GPR39: variants seen among roughly 807,000 people sequenced by gnomAD.
GPR39 encodes G protein-coupled receptor 39.
In GPR39, 23 loss-of-function variants were observed where a neutral mutation model predicts 18.4. The observed-to-expected ratio is 1.25, with a 90% CI of 0.90 to 1.77. The LOEUF (loss-of-function observed/expected upper bound fraction) is 1.77, where lower values mean the gene tolerates loss of function less well. Among genes scored for constraint, GPR39 ranks in the 40% most tolerant of loss-of-function variants. GPR39 has a pLI of 0.00. For synonymous variants in GPR39, 280 were observed against 257.9 expected, an observed-to-expected ratio of 1.09 and a Z score of -0.82; for missense variants, 647 against 602.4, an observed-to-expected ratio of 1.07 and a Z score of -0.78.
At chr2:132,535,103 C>T (rs939638397) in intron 1 of GPR39, among the ~76,000 whole-genome samples, 2 of 152,068 alleles carry the variant, frequency 1.3e-5, no homozygotes, top group Non-Finnish European at 2.9e-5. Flanking sequence ...TGAGAACTTC[C>T]AGTACTATGT....
intron 1 of GPR39, among the ~76,000 whole-genome samples, chr2:132,426,779 A>G (rs1680125815): frequency 2.0e-5 from 3 of 152,182 alleles, no homozygotes; most frequent in Admixed American, 2.0e-4. Flanking sequence ...AAAGGTGGCT[A>G]GGTAGTTGGA....
At chr2:132,467,045 G>T (rs1477012185) in intron 1 of GPR39, among the ~76,000 whole-genome samples, 1 of 152,174 alleles carries the variant, frequency 6.6e-6, no homozygotes, top group Non-Finnish European at 1.5e-5. Context: ...TAATACCCTA[G>T]TAGGAGTTGT....
At chr2:132,566,458 G>T (rs979906988) in intron 1 of GPR39, among the ~76,000 whole-genome samples, 2 of 152,162 alleles carry the variant, frequency 1.3e-5, no homozygotes, top group Non-Finnish European at 2.9e-5. Context: ...AGTTTCCTAG[G>T]AGATCAGAAG....
chr2:132,614,098 C>T (rs1681285141), intron 1 of GPR39, among the ~76,000 whole-genome samples: 1 of 152,084 alleles, frequency 6.6e-6, no homozygotes, highest in Admixed American at 6.6e-5. Context: ...TTTCCCTTTG[C>T]CCAGAAGGTC....
intron 1 of GPR39, among the ~76,000 whole-genome samples, chr2:132,630,459 G>A (rs1681629835): frequency 6.6e-6 from 1 of 152,170 alleles, no homozygotes; most frequent in African/African-American, 2.4e-5. Flanking sequence ...AAGGAAAGAA[G>A]GAAGTTCAAG....
chr2:132,646,257 C>T lies in GPR39; in HGVS notation c.*651C>T. 1.3e-6 allele frequency: 2 copies of T among 1,565,472 alleles called. No homozygotes were observed. Among genetic ancestry groups the T allele is most frequent in the Non-Finnish European group, 1.7e-6 (2 of 1,152,820 alleles). On this transcript the variant is annotated 3_prime_UTR_variant, in exon 2 of 2. Transcript: ENST00000329321. ...GCGATGAGACAGGCCGCTGATGATG[C>T]ACAGGACTTGCGGTACATGATCCCT...
At chr2:132,609,845 ACTT>A (rs1213710029) in intron 1 of GPR39, among the ~76,000 whole-genome samples, 3 of 152,170 alleles carry the variant, frequency 2.0e-5, no homozygotes, top group Admixed American at 6.5e-5. Context: ...TGTCAGAGGT[ACTT>A]CCTTTGTGTC....
intron 1 of GPR39, among the ~76,000 whole-genome samples, chr2:132,555,096 T>G (rs891769803): frequency 1.3e-5 from 2 of 151,932 alleles, no homozygotes; most frequent in African/African-American, 2.4e-5. Context: ...GGACTACAGG[T>G]GCGTGCCACC....
At chr2:132,617,807 A>C (rs78689976) in intron 1 of GPR39, among the ~76,000 whole-genome samples, 3 of 152,342 alleles carry the variant, frequency 2.0e-5, no homozygotes, top group African/African-American at 7.2e-5. Context: ...CAGGCCACAC[A>C]GCTTAGTTTG....
At chr2:132,585,454 C>T (rs1680706805) in intron 1 of GPR39, among the ~76,000 whole-genome samples, 1 of 152,234 alleles carries the variant, frequency 6.6e-6, no homozygotes, top group Non-Finnish European at 1.5e-5. Context: ...TTTCCCATCC[C>T]CTTCCGTCCC....
intron 1 of GPR39, among the ~76,000 whole-genome samples, chr2:132,541,903 A>T (rs1679867532): frequency 6.6e-6 from 1 of 152,186 alleles, no homozygotes; most frequent in South Asian, 2.1e-4. Context: ...GAGGCTGGGA[A>T]GTCTGAGATC....
At chr2:132,599,954 GA>G (rs1681010763) in intron 1 of GPR39, among the ~76,000 whole-genome samples, 1 of 152,164 alleles carries the variant, frequency 6.6e-6, no homozygotes, top group Admixed American at 6.5e-5. Context: ...ATCCTTCTTA[GA>G]TACTGGGTGT....
intron 1 of GPR39, among the ~76,000 whole-genome samples, chr2:132,510,991 A>G (rs1036939086): frequency 6.6e-6 from 1 of 152,240 alleles, no homozygotes; most frequent in African/African-American, 2.4e-5. Context: ...TTCTTTATCC[A>G]AAATGTATTA....
At chr2:132,610,076 A>G (rs1681213828) in intron 1 of GPR39, among the ~76,000 whole-genome samples, 1 of 152,068 alleles carries the variant, frequency 6.6e-6, no homozygotes, top group African/African-American at 2.4e-5. Flanking sequence ...CAGTGATTCT[A>G]TCATAACTAT....
intron 1 of GPR39, among the ~76,000 whole-genome samples, chr2:132,561,457 C>T (rs1297965519): frequency 6.6e-6 from 1 of 152,120 alleles, no homozygotes; most frequent in African/African-American, 2.4e-5. Flanking sequence ...CAGATTACTG[C>T]CTTTGTCGTC....
chr2:132,487,203 A>G (rs4505580), intron 1 of GPR39, among the ~76,000 whole-genome samples: 66,459 of 152,056 alleles, frequency 0.44, 18,161 homozygotes, highest in Non-Finnish European at 0.61. Flanking sequence ...TTACAATAGT[A>G]ACAGCATATA....
At chr2:132,619,830 G>C (rs371734100) in intron 1 of GPR39, among the ~76,000 whole-genome samples, 2 of 138,568 alleles carry the variant, frequency 1.4e-5, no homozygotes, top group South Asian at 2.3e-4. Context: ...CACAGACACA[G>C]ACACACACAC....
At chr2:132,440,658 G>A (rs771260991) in intron 1 of GPR39, among the ~76,000 whole-genome samples, 1 of 152,108 alleles carries the variant, frequency 6.6e-6, no homozygotes, top group African/African-American at 2.4e-5. Flanking sequence ...CTGACATCAG[G>A]GTCAGTGTGG....
intron 1 of GPR39, among the ~76,000 whole-genome samples, chr2:132,426,038 G>A (rs568810442): frequency 2.0e-3 from 307 of 152,256 alleles, no homozygotes; most frequent in African/African-American, 7.1e-3. Flanking sequence ...AATAGAAAAC[G>A]AATGGATTCA....
Sources: allele counts gnomAD v4.1 joint callset (sites outside exome capture counted in the v4.1 genomes callset), GRCh38; gene constraint gnomAD v4.1.1; transcripts MANE v1.5; gene names NCBI Gene and HGNC (gene_info 2026-07-23, HGNC 2026-07-21).